PBX1: variants seen among roughly 807,000 people sequenced by gnomAD.
PBX1 encodes the protein PBX homeobox 1.
A neutral mutation model predicts 53.4 loss-of-function variants in PBX1; 6 were observed. The observed-to-expected ratio is 0.11, with a 90% CI of 0.06 to 0.22. PBX1 has a LOEUF of 0.22. Ranked by LOEUF, PBX1 falls within the 10% of genes least tolerant of loss-of-function variation. The pLI is 1.00. For missense variants in PBX1, 251 were observed against 551.4 expected, an observed-to-expected ratio of 0.46 and a Z score of 5.46; for synonymous variants, 204 against 212.3, an observed-to-expected ratio of 0.96 and a Z score of 0.34.
intron 2 of PBX1, among the ~76,000 whole-genome samples, chr1:164,679,165 A>G (rs868854670): frequency 9.8e-5 from 15 of 152,328 alleles, no homozygotes; most frequent in Non-Finnish European, 8.8e-5. Context: ...ACCACATCCA[A>G]TAATTTGTTT....
intron 2 of PBX1, among the ~76,000 whole-genome samples, chr1:164,716,281 A>G (rs1441695176): frequency 6.6e-6 from 1 of 152,138 alleles, no homozygotes; most frequent in Non-Finnish European, 1.5e-5. Context: ...AGAACCTTTC[A>G]TAAACAGTCA....
chr1:164,655,107 T>TTA (rs1553225097), intron 2 of PBX1, among the ~76,000 whole-genome samples: 8 of 150,664 alleles, frequency 5.3e-5, no homozygotes, highest in East Asian at 1.9e-4. Flanking sequence ...TGTGTTTTTT[T>TTA]TTTTTTTTTA....
intron 7 of PBX1, among the ~76,000 whole-genome samples, chr1:164,820,575 A>C (rs1670102732): frequency 1.3e-5 from 2 of 152,218 alleles, no homozygotes; most frequent in Non-Finnish European, 2.9e-5. Context: ...TTTACCATAT[A>C]AAGAGGCAAT....
chr1:164,625,287 GAC>G (rs1217059951), intron 2 of PBX1, among the ~76,000 whole-genome samples: 2 of 152,192 alleles, frequency 1.3e-5, no homozygotes, highest in African/African-American at 2.4e-5. Context: ...CAGTTACAGA[GAC>G]AAAGAAAGTT....
intron 2 of PBX1, among the ~76,000 whole-genome samples, chr1:164,668,861 C>T (rs111434935): frequency 0.011 from 1,602 of 152,202 alleles, 22 homozygotes; most frequent in African/African-American, 0.032. Context: ...GCGGAATCTG[C>T]GGAGTAATAT....
At chr1:164,581,469 G>A (rs989518366) in intron 2 of PBX1, among the ~76,000 whole-genome samples, 6 of 151,912 alleles carry the variant, frequency 3.9e-5, no homozygotes, top group African/African-American at 1.5e-4. Context: ...CTTGTGATCC[G>A]CCTGCCTCGG....
chr1:164,622,350 T>A (rs991716229), intron 2 of PBX1, among the ~76,000 whole-genome samples: 5 of 152,124 alleles, frequency 3.3e-5, no homozygotes, highest in African/African-American at 1.2e-4. Context: ...TCCACAGAGG[T>A]TAGCCTAGAA....
At chr1:164,706,500 T>C (rs1663433605) in intron 2 of PBX1, among the ~76,000 whole-genome samples, 1 of 152,206 alleles carries the variant, frequency 6.6e-6, no homozygotes, top group Non-Finnish European at 1.5e-5. Flanking sequence ...ATAATATATC[T>C]TGTTAGAGTT....
At chr1:164,793,805 C>A (rs1269906888) in intron 3 of PBX1, among the ~76,000 whole-genome samples, 1 of 142,888 alleles carries the variant, frequency 7.0e-6, no homozygotes. Context: ...CTTTTCTTTT[C>A]TTTTTTTTCG....
intron 2 of PBX1, among the ~76,000 whole-genome samples, chr1:164,629,296 T>C (rs554437148): frequency 2.0e-5 from 3 of 152,300 alleles, no homozygotes; most frequent in Admixed American, 2.0e-4. Flanking sequence ...GTTGGATGCA[T>C]AGTAAATACT....
At chr1:164,867,776 A>G (rs1672253867) in intron 2 of PBX1, among the ~76,000 whole-genome samples, 1 of 152,254 alleles carries the variant, frequency 6.6e-6, no homozygotes, top group Non-Finnish European at 1.5e-5. Flanking sequence ...GTCAATGATT[A>G]TTCAATCTCA....
chr1:164,602,500 A>G (rs1656243429), intron 2 of PBX1, among the ~76,000 whole-genome samples: 1 of 152,132 alleles, frequency 6.6e-6, no homozygotes, highest in Non-Finnish European at 1.5e-5. Context: ...GTATGGGAAG[A>G]GTTCCTGCCT....
intron 3 of PBX1, among the ~76,000 whole-genome samples, chr1:164,794,261 G>A (rs993592034): frequency 3.3e-5 from 5 of 152,184 alleles, no homozygotes; most frequent in African/African-American, 1.2e-4. Flanking sequence ...TATCTAGGTA[G>A]AAGGCAAATG....
At chr1:164,720,242 C>G (rs949188180) in intron 2 of PBX1, among the ~76,000 whole-genome samples, 1 of 152,054 alleles carries the variant, frequency 6.6e-6, no homozygotes, top group Non-Finnish European at 1.5e-5. Context: ...CTGCATACTT[C>G]TGTATTTTAT....
intron 2 of PBX1, among the ~76,000 whole-genome samples, chr1:164,629,187 G>T (rs1442542276): frequency 6.6e-6 from 1 of 151,968 alleles, no homozygotes; most frequent in Non-Finnish European, 1.5e-5. Flanking sequence ...CCATGGACCT[G>T]TTCCAAGGAA....
rs541710796 is a variant in PBX1 at position 164,792,624 on chromosome 1, G to A, written c.396G>A (p.Ala132=). ...GAGGGTCGGCGGCAGCGGCGGCAGC[G>A]GCGGCGGCTTCTGGAGGGGCAGGTT... is the stretch of plus-strand genomic sequence containing the variant. The part of the protein sequence containing the change: ...KGGGSAAAAA[A]AAASGGAGSD... The change falls in exon 3 of 9, where the codon GCG becomes GCA. Residue 132 remains alanine, a synonymous_variant. Transcript: ENST00000420696. 5.6e-6 allele frequency: 9 copies of A among 1,613,618 alleles called. No individual in the cohort carries two copies. The South Asian group carries it at 7.7e-5, about 14-fold the overall frequency.
chr1:164,627,954 A>C (rs1189253398), intron 2 of PBX1, among the ~76,000 whole-genome samples: 1 of 152,192 alleles, frequency 6.6e-6, no homozygotes, highest in Non-Finnish European at 1.5e-5. Context: ...AATTATAGTG[A>C]ATAGAGCAAG....
intron 2 of PBX1, among the ~76,000 whole-genome samples, chr1:164,578,028 G>A (rs2101731857): frequency 6.6e-6 from 1 of 152,188 alleles, no homozygotes; most frequent in African/African-American, 2.4e-5. Context: ...CTCCTGATTT[G>A]GACACCCCCA....
At chr1:164,594,547 CTGGGATT>C (rs1655625510) in intron 2 of PBX1, among the ~76,000 whole-genome samples, 2 of 152,086 alleles carry the variant, frequency 1.3e-5, no homozygotes, top group Non-Finnish European at 2.9e-5. Context: ...TCCCAAAGTG[CTGGGATT>C]ACAGGCATGA....
Sources: allele counts gnomAD v4.1 joint callset (sites outside exome capture counted in the v4.1 genomes callset), GRCh38; gene constraint gnomAD v4.1.1; transcripts MANE v1.5; gene names NCBI Gene and HGNC (gene_info 2026-07-23, HGNC 2026-07-21).